Variants in ASTN1 observed in about 807,000 individuals in gnomAD.
ASTN1 encodes astrotactin-1.
A neutral mutation model predicts 140.7 loss-of-function variants in ASTN1; 41 were observed. The observed-to-expected ratio is 0.29, with a 90% confidence interval of 0.23 to 0.38. The LOEUF (loss-of-function observed/expected upper bound fraction) is 0.38, where lower values mean the gene tolerates loss of function less well. Ranked by LOEUF, ASTN1 falls within the 10% of genes least tolerant of loss-of-function variation. The pLI is 1.00. For synonymous variants in ASTN1, 640 were observed against 652.2 expected, an observed-to-expected ratio of 0.98 and a Z score of 0.29; for missense variants, 1,479 against 1,678.8, an observed-to-expected ratio of 0.88 and a Z score of 2.08.
rs142103830 is a variant in ASTN1, at chr1:176,882,972, G to A, written c.3249C>T (p.Asp1083=). 161 of 1,613,980 alleles carry A rather than the reference G, an allele frequency of 1.0e-4. No individual in the cohort carries two copies. The highest frequency in any genetic ancestry group is 2.0e-4 in the South Asian group (18 of 91,084). Reference sequence around the variant, plus strand: ...GAGACTTTGCTCCAGAGATGATGTCGTCCACAAAGCTCAGCACTGTTTCTG... The same window carrying A: ...GAGACTTTGCTCCAGAGATGATGTCATCCACAAAGCTCAGCACTGTTTCTG... ...VETETVLSFV[D]DIISGAKSPC... The change falls in exon 20 of 23, where the codon GAC becomes GAT. Residue 1083 remains aspartate, a synonymous_variant. Transcript: ENST00000361833.
chr1:177,140,170 T>C (rs901715060), intron 1 of ASTN1, among the ~76,000 whole-genome samples: 6 of 152,194 alleles, frequency 3.9e-5, no homozygotes, highest in Non-Finnish European at 8.8e-5. Context: ...CTACAGGAAG[T>C]CAAATGCAGT....
chr1:176,858,194 A>G (rs1271167216), downstream of ASTN1, among the ~76,000 whole-genome samples: 2 of 152,194 alleles, frequency 1.3e-5, no homozygotes, highest in Non-Finnish European at 2.9e-5. Context: ...CAGACACTGC[A>G]AACTACCAGA....
At chr1:177,097,274 A>AT (rs1342300143) in intron 1 of ASTN1, among the ~76,000 whole-genome samples, 1 of 151,994 alleles carries the variant, frequency 6.6e-6, no homozygotes, top group Non-Finnish European at 1.5e-5. Context: ...TCCCATTATT[A>AT]TTTTTTTCTC....
intron 1 of ASTN1, among the ~76,000 whole-genome samples, chr1:177,088,777 C>T (rs974745003): frequency 6.6e-6 from 1 of 152,186 alleles, no homozygotes; most frequent in Admixed American, 6.5e-5. Context: ...TGAAACATAT[C>T]TTTACAGTGC....
intron 16 of ASTN1, among the ~76,000 whole-genome samples, chr1:176,925,164 C>T (rs1385113457): frequency 2.0e-5 from 3 of 152,090 alleles, no homozygotes; most frequent in Non-Finnish European, 4.4e-5. Context: ...AGCCTTGGTC[C>T]AAAGTGAAAA....
rs1347099398 is a variant in ASTN1, at chr1:176,949,170, G to A, written c.2054+15C>T. The stretch of plus-strand genomic sequence containing the variant: ...CAGATGGACGCCAGGTGGCCTCGCT[G>A]GCAGCTCAACTCACCCACAGAACAT... On this transcript the variant is annotated intron_variant, in intron 12 of 22. Coordinates refer to ENST00000361833, the MANE Select transcript of ASTN1 (RefSeq NM_004319.3). 1 of 1,613,170 alleles carries A rather than the reference G, an allele frequency of 6.2e-7. No homozygotes were observed. Among genetic ancestry groups the A allele is most frequent in the East Asian group, 2.2e-5 (1 of 44,858 alleles).
chr1:177,010,033 C>T (rs576901149), intron 8 of ASTN1, among the ~76,000 whole-genome samples: 54 of 152,222 alleles, frequency 3.5e-4, no homozygotes, highest in Middle Eastern at 3.4e-3. Flanking sequence ...CTTGGGTGTA[C>T]TTTTAATTTA....
intron 11 of ASTN1, among the ~76,000 whole-genome samples, chr1:176,955,971 G>C (rs2103126730): frequency 6.6e-6 from 1 of 152,342 alleles, no homozygotes; most frequent in Admixed American, 6.5e-5. Context: ...AATATAAGCT[G>C]AATAGCTTTT....
At chr1:177,038,516 G>C (rs1305389817) in intron 2 of ASTN1, among the ~76,000 whole-genome samples, 4 of 152,212 alleles carry the variant, frequency 2.6e-5, no homozygotes, top group Middle Eastern at 6.8e-3. Flanking sequence ...GAAGCAAAGA[G>C]GGAGGAAGAG....
chr1:177,017,357 T>C (rs1675601965), intron 7 of ASTN1, among the ~76,000 whole-genome samples: 1 of 152,182 alleles, frequency 6.6e-6, no homozygotes, highest in Non-Finnish European at 1.5e-5. Context: ...GATCCTTATT[T>C]CTGGAACCCA....
At chr1:176,864,890 A>G (rs900530655) in intron 22 of ASTN1, among the ~76,000 whole-genome samples, 2 of 152,218 alleles carry the variant, frequency 1.3e-5, no homozygotes, top group Non-Finnish European at 2.9e-5. Flanking sequence ...TAAATGACAA[A>G]TAATATGCTT....
chr1:176,900,955 A>G (rs1669742538), intron 16 of ASTN1, among the ~76,000 whole-genome samples: 3 of 152,254 alleles, frequency 2.0e-5, no homozygotes, highest in Non-Finnish European at 4.4e-5. Flanking sequence ...TCAACAATTC[A>G]TTAAACAAAT....
intron 1 of ASTN1, among the ~76,000 whole-genome samples, chr1:177,116,343 T>G (rs539186595): frequency 3.3e-4 from 51 of 152,328 alleles, no homozygotes; most frequent in African/African-American, 1.2e-3. Flanking sequence ...CACAGATGTA[T>G]TATTTTATGT....
intron 9 of ASTN1, among the ~76,000 whole-genome samples, chr1:176,962,539 A>G (rs1672711570): frequency 6.6e-6 from 1 of 152,224 alleles, no homozygotes; most frequent in South Asian, 2.1e-4. Context: ...CATTGGGGAA[A>G]AATAGGCAGT....
At chr1:177,010,946 A>C (rs1043763025) in intron 8 of ASTN1, among the ~76,000 whole-genome samples, 3 of 152,184 alleles carry the variant, frequency 2.0e-5, no homozygotes, top group Admixed American at 6.5e-5. Flanking sequence ...CAAAAAAGTA[A>C]AGTGTAGTGA....
chr1:176,881,318 C>T lies in ASTN1; in HGVS notation c.3362+1541G>A, dbSNP rs535614879. On this transcript the variant is annotated intron_variant, in intron 20 of 22. Coordinates refer to ENST00000361833, the MANE Select transcript of ASTN1 (RefSeq NM_004319.3). Reference sequence around the variant, plus strand: ...CAGCAAAGACAGCTGGAGTGAGAGACGGTATTGGCCTCGGTCTCTGATCAG... The same window carrying T: ...CAGCAAAGACAGCTGGAGTGAGAGATGGTATTGGCCTCGGTCTCTGATCAG... Among the ~76,000 whole-genome samples, 33 of 152,280 alleles carry T rather than the reference C, an allele frequency of 2.2e-4. 1 individual carries two copies. The South Asian group carries it at 5.8e-3, about 27-fold the overall frequency.
chr1:176,898,650 T>C (rs1279483911), intron 16 of ASTN1, among the ~76,000 whole-genome samples: 1 of 152,174 alleles, frequency 6.6e-6, no homozygotes, highest in Non-Finnish European at 1.5e-5. Context: ...TCTTTGACCG[T>C]TGCTTTTAAC....
At chr1:177,121,775 C>G (rs1351027009) in intron 1 of ASTN1, among the ~76,000 whole-genome samples, 1 of 152,060 alleles carries the variant, frequency 6.6e-6, no homozygotes, top group African/African-American at 2.4e-5. Context: ...GTATATTCCC[C>G]AGGTCCCTGC....
rs1671341629 is a variant in ASTN1 at position 176,934,344 on chromosome 1, T to G, written c.2483-4A>C. The G allele has an allele frequency of 6.2e-7, 1 of 1,601,526 alleles. No homozygotes were observed. Among genetic ancestry groups the G allele is most frequent in the Non-Finnish European group, 8.5e-7 (1 of 1,169,754 alleles). On this transcript the variant is annotated splice_region_variant and splice_polypyrimidine_tract_variant and intron_variant, in intron 15 of 22. Transcript: ENST00000361833. ...GAGTGGAGAGCATTGCTGAGGGCTATGGAGAGGCATCACCCAAGGGTAAGA... is the reference window on the plus strand; with the variant it reads ...GAGTGGAGAGCATTGCTGAGGGCTAGGGAGAGGCATCACCCAAGGGTAAGA...
Sources: gnomAD v4.1 joint callset for allele counts (sites outside exome capture counted in the v4.1 genomes callset) on GRCh38, gnomAD v4.1.1 for gene constraint, MANE v1.5 for transcripts, NCBI Gene and HGNC (gene_info 2026-07-23, HGNC 2026-07-21) for gene names.